Variants in CENPQ observed in about 807,000 individuals in gnomAD.
The protein encoded by CENPQ is chromosome 6 open reading frame 139.
A neutral mutation model predicts 36.6 loss-of-function variants in CENPQ; 27 were observed. The ratio of observed to expected loss-of-function variants is 0.74; its 90% CI spans 0.54 to 1.02. CENPQ has a LOEUF of 1.02. Among genes scored for constraint, CENPQ ranks in the 50% least tolerant of loss-of-function variants. The probability of loss-of-function intolerance (pLI) is 0.00; values close to 1 mark genes in which losing one functional copy is unlikely to be tolerated. For missense variants in CENPQ, 306 were observed against 301.8 expected, an observed-to-expected ratio of 1.01 and a Z score of -0.10; for synonymous variants, 101 against 101.7, an observed-to-expected ratio of 0.99 and a Z score of 0.04.
intron 5 of CENPQ, among the ~76,000 whole-genome samples, chr6:49,474,375 A>T (rs1023746606): frequency 1.3e-5 from 2 of 152,026 alleles, no homozygotes; most frequent in South Asian, 2.1e-4. Context: ...ACTCAAAACC[A>T]CTCAACTACA....
chr6:49,469,634 A>G (rs1768081007), intron 1 of CENPQ, among the ~76,000 whole-genome samples: 1 of 152,186 alleles, frequency 6.6e-6, no homozygotes, highest in Non-Finnish European at 1.5e-5. Flanking sequence ...TAAATTCTTA[A>G]TAGTGTCAGA....
chr6:49,483,033 G>A (rs1389328135), intron 6 of CENPQ, among the ~76,000 whole-genome samples: 1 of 152,152 alleles, frequency 6.6e-6, no homozygotes, highest in East Asian at 1.9e-4. Flanking sequence ...GCTGGCTCAG[G>A]CAGCCTGCTT....
At chr6:49,491,184 G>A (rs572672996) in intron 8 of CENPQ, among the ~76,000 whole-genome samples, 36 of 152,198 alleles carry the variant, frequency 2.4e-4, no homozygotes, top group East Asian at 9.7e-4. Flanking sequence ...GTCCTATTTC[G>A]TTCTTTAAAC....
chr6:49,464,336 C>G (rs1767945377), intron 1 of CENPQ, among the ~76,000 whole-genome samples: 1 of 152,146 alleles, frequency 6.6e-6, no homozygotes, highest in African/African-American at 2.4e-5. Context: ...TCATCTCAGC[C>G]TTCAGCAAGT....
intron 8 of CENPQ, among the ~76,000 whole-genome samples, chr6:49,490,300 C>T (rs769234106): frequency 6.6e-6 from 1 of 152,228 alleles, no homozygotes; most frequent in Non-Finnish European, 1.5e-5. Context: ...GTTATAAACA[C>T]AGCTTCTTTC....
At chr6:49,472,379 C>A (rs1779067888) in intron 4 of CENPQ, among the ~76,000 whole-genome samples, 196 bp downstream of exon 4, 1 of 152,046 alleles carries the variant, frequency 6.6e-6, no homozygotes. Context: ...GAAATTCCAT[C>A]GGTGAAATAA....
In CENPQ at chr6:49,484,733, A is replaced by G. The variant is rs568003843; in HGVS notation, c.478-3619A>G. Among the ~76,000 whole-genome samples the G allele has an allele frequency of 3.8e-3, 580 of 152,248 alleles. 7 individuals are homozygous for G. Among genetic ancestry groups the G allele is most frequent in the African/African-American group, 0.013 (547 of 41,552 alleles). On this transcript the variant is annotated intron_variant, in intron 6 of 8. Transcript: ENST00000335783. ...ATGTATTTTTAGCTAATAGGGCGGCATTTTTTGGTGGCTGCCTCACTTTAT... is the reference window on the plus strand; with the variant it reads ...ATGTATTTTTAGCTAATAGGGCGGCGTTTTTTGGTGGCTGCCTCACTTTAT...
chr6:49,470,856 T>A, intron 2 of CENPQ, 118 bp from the exon 3 acceptor site: 1 of 481,250 alleles, frequency 2.1e-6, no homozygotes, highest in South Asian at 7.8e-5. Flanking sequence ...ACATTTTTTC[T>A]ATGTACTAGA....
At chr6:49,479,995 C>T (rs1028191858) in intron 5 of CENPQ, among the ~76,000 whole-genome samples, 5 of 152,162 alleles carry the variant, frequency 3.3e-5, no homozygotes, top group Non-Finnish European at 5.9e-5. Context: ...GAGAAACTAC[C>T]TATCAGGTAC....
chr6:49,467,752 C>G (rs1295672564), intron 1 of CENPQ, among the ~76,000 whole-genome samples: 1 of 151,844 alleles, frequency 6.6e-6, no homozygotes, highest in East Asian at 1.9e-4. Flanking sequence ...TAAATAAGTA[C>G]CAAATGAGAC....
At chr6:49,473,315 T>C (rs1483802927) in intron 5 of CENPQ, among the ~76,000 whole-genome samples, 2 of 152,206 alleles carry the variant, frequency 1.3e-5, no homozygotes, top group African/African-American at 4.8e-5. Context: ...AAATCACCAA[T>C]GGAGATTTCT....
rs1440200230 is a variant in CENPQ at position 49,477,899 on chromosome 6, T to G, written c.348-3052T>G. On this transcript the variant is annotated intron_variant, in intron 5 of 8. Transcript: ENST00000335783. ...ATGAAAATGTAGCTGTTTAGGATCT[T>G]TTTAATATAGAACAAATACTAATGT... Among the ~76,000 whole-genome samples, 3 of 152,342 alleles carry G rather than the reference T, an allele frequency of 2.0e-5. No individual in the cohort carries two copies. The East Asian group carries it at 5.8e-4, about 29-fold the overall frequency.
intron 6 of CENPQ, among the ~76,000 whole-genome samples, chr6:49,487,839 A>G (rs1038728156): frequency 3.3e-5 from 5 of 151,974 alleles, no homozygotes; most frequent in African/African-American, 1.2e-4. Context: ...TAAATTATGT[A>G]TTCCTTTAAT....
intron 1 of CENPQ, 52 bp downstream of exon 1, chr6:49,463,505 G>A (rs1767918343): frequency 6.6e-6 from 1 of 152,248 alleles, no homozygotes; most frequent in African/African-American, 2.4e-5. Context: ...TCAGGGATGA[G>A]TTTTAAAGCC....
At chr6:49,470,424 A>G (rs1030315369) in intron 2 of CENPQ, 146 bp downstream of exon 2, 6 of 461,658 alleles carry the variant, frequency 1.3e-5, no homozygotes, top group African/African-American at 4.1e-5. Flanking sequence ...TAACATGATG[A>G]AACCCCGTCT....
chr6:49,471,072 G>A, intron 3 of CENPQ, 44 bp downstream of exon 3: 2 of 1,165,512 alleles, frequency 1.7e-6, no homozygotes, highest in African/African-American at 1.6e-5. Context: ...TCTATATCAA[G>A]CTATATCTAC....
In CENPQ at chr6:49,487,454, TA is replaced by T. The variant is rs759527083; in HGVS notation, c.478-884del. ...GCTGACCCCTGCAGCTACCCTTTCT[TA>T]AAAAAAAAAAAAAGTCATTTAGAAG... is the stretch of plus-strand genomic sequence containing the variant. On this transcript the variant is annotated intron_variant, in intron 6 of 8. Transcript: ENST00000335783. Among the ~76,000 whole-genome samples the T allele has an allele frequency of 1.9e-3, 175 of 93,154 alleles. 2 individuals carry two copies. Among genetic ancestry groups the T allele is most frequent in the East Asian group, 2.0e-3 (5 of 2,516 alleles). 61.1% of individuals were successfully genotyped at this position (93,154 alleles called of 152,430 possible).
In CENPQ at chr6:49,488,295, G is replaced by A. The variant is rs539218382; in HGVS notation, c.478-57G>A. The A allele has an allele frequency of 1.5e-5, 20 of 1,334,690 alleles. No homozygotes were observed. The African/African-American group carries it at 2.8e-4, about 19-fold the overall frequency. 82.7% of individuals were successfully genotyped at this position (1,334,690 alleles called of 1,614,324 possible). On this transcript the variant is annotated intron_variant, in intron 6 of 8. Coordinates refer to ENST00000335783, the MANE Select transcript of CENPQ (RefSeq NM_018132.4). ...TGTGTATGTATAACAATATCTATTA[G>A]GATTTAATATAATAATGTGTTTAAG...
intron 5 of CENPQ, among the ~76,000 whole-genome samples, chr6:49,478,390 C>T (rs1768353113): frequency 6.6e-6 from 1 of 152,102 alleles, no homozygotes; most frequent in Admixed American, 6.5e-5. Context: ...AACTCATTTT[C>T]ATATAAATCT....
Sources: allele counts gnomAD v4.1 joint callset (sites outside exome capture counted in the v4.1 genomes callset), GRCh38; gene constraint gnomAD v4.1.1; transcripts MANE v1.5; gene names NCBI Gene and HGNC (gene_info 2026-07-23, HGNC 2026-07-21).